The following RUFY3 variants were observed in gnomAD, a reference collection of about 807,000 sequenced individuals.
RUFY3 encodes protein RUFY3.
RUFY3 carries 34 observed loss-of-function variants against 84.0 expected under a neutral mutation model. The ratio of observed to expected loss-of-function variants is 0.40; its 90% confidence interval spans 0.31 to 0.54. The LOEUF (loss-of-function observed/expected upper bound fraction) is 0.54. RUFY3 is among the 20% of genes least tolerant of loss of function. RUFY3 has a pLI of 0.39. For missense variants in RUFY3, 507 were observed against 736.8 expected (o/e 0.69, Z 3.61); for synonymous variants, 242 against 252.9 (o/e 0.96, Z 0.41).
Position 70,722,108 on chromosome 4 carries a change from A to G in RUFY3, c.-466A>G. ...TTTTTTTTTAAGCTACATTGAAAAT[A>G]TAGGTTTATTTTTTGTTCAGGTTTT... On this transcript the variant is annotated 5_prime_UTR_variant, in exon 1 of 18. The change creates a new upstream start codon in the 5' untranslated region. Coordinates refer to ENST00000381006, the MANE Select transcript of RUFY3 (RefSeq NM_001037442.4). 8.1e-7 allele frequency: 1 copy of G among 1,231,876 alleles called. No individual in the cohort carries two copies. Among genetic ancestry groups the G allele is most frequent in the Non-Finnish European group, 1.0e-6 (1 of 987,766 alleles). 76.3% of individuals were successfully genotyped at this position (1,231,876 alleles called of 1,614,324 possible). A position where few individuals can be genotyped will look rare whatever the true frequency, so the allele number is the denominator to read the frequency against.
intron 1 of RUFY3, among the ~76,000 whole-genome samples, chr4:70,733,588 T>G (rs1464895745): frequency 2.0e-5 from 3 of 152,222 alleles, no homozygotes; most frequent in African/African-American, 7.2e-5. Context: ...GAGAGCAACT[T>G]AAATAGCCTA....
At chr4:70,778,551 C>T in intron 8 of RUFY3, 113 bp downstream of exon 8, 2 of 503,970 alleles carry the variant, frequency 4.0e-6, no homozygotes, top group East Asian at 6.8e-5. Flanking sequence ...ATAATATTGA[C>T]TGTAGTACAT....
intron 1 of RUFY3, among the ~76,000 whole-genome samples, chr4:70,755,939 A>C (rs1347438430): frequency 6.7e-6 from 1 of 149,920 alleles, no homozygotes; most frequent in East Asian, 2.0e-4. Context: ...TGACAGAGCG[A>C]GATTCTGTCT....
At chr4:70,775,644 C>T (rs927556192) in intron 7 of RUFY3, among the ~76,000 whole-genome samples, 4 of 152,014 alleles carry the variant, frequency 2.6e-5, no homozygotes, top group Non-Finnish European at 5.9e-5. Flanking sequence ...TACATTAGTA[C>T]CTTTAAATTA....
chr4:70,779,860 A>C (rs2148763500), intron 8 of RUFY3, among the ~76,000 whole-genome samples: 1 of 152,164 alleles, frequency 6.6e-6, no homozygotes, highest in Non-Finnish European at 1.5e-5. Flanking sequence ...AGGCATAGCC[A>C]CTGCGCCTGG....
chr4:70,806,952 T>C lies in RUFY3; in HGVS notation c.*293T>C, dbSNP rs536249844. On this transcript the variant is annotated 3_prime_UTR_variant, in exon 18 of 18. Transcript: ENST00000381006. ...TCTTTGGAAAGGCAACTCATTTTTA[T>C]GATTAGTGATACTGGGGTGGATTTA... 1.7e-5 allele frequency: 4 copies of C among 238,384 alleles called. No individual in the cohort carries two copies. The highest frequency in any genetic ancestry group is 4.5e-5 in the African/African-American group (2 of 44,698). 14.8% of individuals were successfully genotyped at this position (238,384 alleles called of 1,614,324 possible).
chr4:70,717,450 T>A (rs536891224), upstream of RUFY3, among the ~76,000 whole-genome samples: 2 of 152,114 alleles, frequency 1.3e-5, no homozygotes, highest in South Asian at 4.1e-4. Context: ...AATATGTAAG[T>A]TGGGGGGCCT....
intron 1 of RUFY3, among the ~76,000 whole-genome samples, chr4:70,735,677 C>CA (rs923502603): frequency 2.3e-4 from 35 of 149,764 alleles, no homozygotes; most frequent in Non-Finnish European, 3.4e-4. Flanking sequence ...CCTATATCTA[C>CA]AAAAAAAAAT....
At chr4:70,792,994 C>T in intron 12 of RUFY3, 1 of 985,366 alleles carries the variant, frequency 1.0e-6, no homozygotes, top group Non-Finnish European at 1.2e-6. Flanking sequence ...CTAAAACCTA[C>T]ACATAGCATG....
intron 1 of RUFY3, among the ~76,000 whole-genome samples, chr4:70,752,963 G>A (rs1723374014): frequency 1.3e-5 from 2 of 152,178 alleles, no homozygotes; most frequent in South Asian, 4.1e-4. Context: ...GGAATAGTCT[G>A]TCAAGGATTG....
rs1732905847 is a variant in RUFY3 at position 70,806,875 on chromosome 4, T to A, written c.*216T>A. Reference sequence around the variant, plus strand: ...GAATAAAAGTGAACTTACTTGAGCCTTTCTCTTCTAAATCTAAACAACCTG... The same window carrying A: ...GAATAAAAGTGAACTTACTTGAGCCATTCTCTTCTAAATCTAAACAACCTG... On this transcript the variant is annotated 3_prime_UTR_variant, in exon 18 of 18. Transcript: ENST00000381006. 5 of 467,494 alleles carry A rather than the reference T, an allele frequency of 1.1e-5. No homozygotes were observed. Among genetic ancestry groups the A allele is most frequent in the Non-Finnish European group, 1.9e-5 (5 of 268,094 alleles). 29.0% of individuals were successfully genotyped at this position (467,494 alleles called of 1,614,324 possible). A position where few individuals can be genotyped will look rare whatever the true frequency, so the allele number is the denominator to read the frequency against.
intron 1 of RUFY3, among the ~76,000 whole-genome samples, chr4:70,760,855 A>G (rs3775730): frequency 0.07 from 10,701 of 152,296 alleles, 588 homozygotes; most frequent in East Asian, 0.2. Context: ...AACCTCAGAC[A>G]ACATAACAAC....
At chr4:70,731,806 G>A (rs1007034597) in intron 1 of RUFY3, among the ~76,000 whole-genome samples, 15 of 152,114 alleles carry the variant, frequency 9.9e-5, no homozygotes, top group Admixed American at 3.3e-4. Flanking sequence ...GGGCTCAAGC[G>A]ATCACCCGCC....
chr4:70,749,791 A>G (rs763249394), intron 1 of RUFY3, among the ~76,000 whole-genome samples: 20 of 151,416 alleles, frequency 1.3e-4, no homozygotes, highest in Non-Finnish European at 2.4e-4. Flanking sequence ...CTGGGACTAC[A>G]GGTTTGCACC....
upstream of RUFY3, chr4:70,704,158 C>CA (rs1739991997): frequency 6.6e-6 from 1 of 152,226 alleles, no homozygotes; most frequent in South Asian, 2.1e-4. Context: ...AAAATGCACT[C>CA]ATGCGCACCC....
chr4:70,780,573 A>T (rs921460744), intron 8 of RUFY3, among the ~76,000 whole-genome samples: 5 of 152,190 alleles, frequency 3.3e-5, no homozygotes, highest in Non-Finnish European at 7.4e-5. Flanking sequence ...GATTACAGGC[A>T]TGAGCCGCCG....
In RUFY3 at chr4:70,722,460, G is replaced by C. The variant is rs925431586; in HGVS notation, c.-114G>C. ...CCCCCACCCTTTTCCTGAAAGCTTT[G>C]TTTCAGAGCTTTGTATTGGGTTTTT... is the stretch of plus-strand genomic sequence containing the variant. On this transcript the variant is annotated 5_prime_UTR_variant, in exon 1 of 18. Transcript: ENST00000381006. The C allele has an allele frequency of 7.6e-7, 1 of 1,315,416 alleles. No individual in the cohort carries two copies. The highest frequency in any genetic ancestry group is 1.5e-5 in the African/African-American group (1 of 65,454). 81.5% of individuals were successfully genotyped at this position (1,315,416 alleles called of 1,614,324 possible). A position where few individuals can be genotyped will look rare whatever the true frequency, so the allele number is the denominator to read the frequency against.
At position 70,766,938 on chromosome 4, in the gene RUFY3, A is replaced by G. The variant is rs576814905; in HGVS notation, c.573-1600A>G. On this transcript the variant is annotated intron_variant, in intron 4 of 17. Transcript: ENST00000381006. ...TAACCACTGATCGTACTGTGATTGTACTGTTGTTACCAGGGGTTTACTGTC... is the reference window on the plus strand; with the variant it reads ...TAACCACTGATCGTACTGTGATTGTGCTGTTGTTACCAGGGGTTTACTGTC... 7.0e-4 allele frequency among the ~76,000 whole-genome samples: 107 copies of G among 152,062 alleles called. No homozygotes were observed. In the South Asian group the frequency reaches 7.8e-3, roughly 11 times the overall value.
chr4:70,744,802 A>T (rs1721923606), intron 1 of RUFY3, among the ~76,000 whole-genome samples: 1 of 151,494 alleles, frequency 6.6e-6, no homozygotes, highest in Non-Finnish European at 1.5e-5. Context: ...CTACAGGCAC[A>T]TGCCACCACA....
Sources: allele counts gnomAD v4.1 joint callset (sites outside exome capture counted in the v4.1 genomes callset), GRCh38; gene constraint gnomAD v4.1.1; transcripts MANE v1.5; gene names NCBI Gene and HGNC (gene_info 2026-07-23, HGNC 2026-07-21).